Variants in RFX4 observed in about 807,000 individuals in gnomAD.
The protein encoded by RFX4 is transcription factor RFX4.
In RFX4, 10 loss-of-function variants were observed where a neutral mutation model predicts 95.0. The ratio of observed to expected loss-of-function variants is 0.11; its 90% CI spans 0.06 to 0.18. The LOEUF (loss-of-function observed/expected upper bound fraction) is 0.18. Among genes scored for constraint, RFX4 ranks in the 10% least tolerant of loss-of-function variants. The pLI, the probability that RFX4 is intolerant of heterozygous loss-of-function variation, is 1.00. For synonymous variants in RFX4, 321 were observed against 340.7 expected (o/e 0.94, Z 0.64); for missense variants, 640 against 922.0 (o/e 0.69, Z 3.96).
chr12:106,606,179 T>C (rs2039828694), intron 1 of RFX4, among the ~76,000 whole-genome samples: 3 of 152,172 alleles, frequency 2.0e-5, no homozygotes, highest in Non-Finnish European at 2.9e-5. Flanking sequence ...ACCTTGATGT[T>C]ATCAGGCCTG....
intron 7 of RFX4, 59 bp downstream of exon 7, chr12:106,689,423 T>G: frequency 7.3e-7 from 1 of 1,371,970 alleles, no homozygotes; most frequent in East Asian, 2.3e-5. Context: ...TAACACTAGC[T>G]CCTATTTCAT....
chr12:106,697,081 C>T (rs2041894719), intron 8 of RFX4, among the ~76,000 whole-genome samples: 1 of 152,184 alleles, frequency 6.6e-6, no homozygotes, highest in Non-Finnish European at 1.5e-5. Flanking sequence ...TTGTGTTGAG[C>T]TGGCTGGGTT....
At chr12:106,644,780 A>G (rs1196706608) in intron 3 of RFX4, among the ~76,000 whole-genome samples, 2 of 152,204 alleles carry the variant, frequency 1.3e-5, no homozygotes, top group African/African-American at 4.8e-5. Context: ...AAAACAAAAC[A>G]GGAACCTAAT....
At chr12:106,593,593 T>G (rs940349009) in intron 1 of RFX4, among the ~76,000 whole-genome samples, 2 of 152,236 alleles carry the variant, frequency 1.3e-5, no homozygotes, top group African/African-American at 4.8e-5. Context: ...TAAAATGATG[T>G]CAGTGCCTTT....
At chr12:106,666,492 A>G (rs73391329) in intron 4 of RFX4, among the ~76,000 whole-genome samples, 1,672 of 152,100 alleles carry the variant, frequency 0.011, 21 homozygotes, top group African/African-American at 0.038. Flanking sequence ...TTTGTTTCAC[A>G]TATTTCTTTG....
At chr12:106,611,085 T>A (rs372077152) in intron 2 of RFX4, among the ~76,000 whole-genome samples, 4 of 152,230 alleles carry the variant, frequency 2.6e-5, no homozygotes, top group African/African-American at 9.7e-5. Flanking sequence ...GTTGAACATC[T>A]TTTCATGTGC....
intron 4 of RFX4, among the ~76,000 whole-genome samples, chr12:106,665,210 G>A (rs184443685): frequency 1.3e-4 from 20 of 151,908 alleles, no homozygotes; most frequent in Admixed American, 1.3e-3. Context: ...TGTCTTCTTG[G>A]AGATTGATAC....
At chr12:106,675,995 G>C (rs2041385475) in intron 4 of RFX4, among the ~76,000 whole-genome samples, 1 of 152,194 alleles carries the variant, frequency 6.6e-6, no homozygotes, top group Non-Finnish European at 1.5e-5. Flanking sequence ...GGCATGACGG[G>C]AAGCAGGGCC....
intron 11 of RFX4, among the ~76,000 whole-genome samples, chr12:106,717,022 A>G: frequency 6.7e-6 from 1 of 150,178 alleles, no homozygotes; most frequent in South Asian, 2.1e-4. Context: ...AAAAAAAAAA[A>G]GGAAATATGG....
Position 106,598,938 on chromosome 12 carries a change from A to G in RFX4, c.44-9859A>G, listed in dbSNP as rs564650887. Among the ~76,000 whole-genome samples, 3 of 152,326 alleles carry G rather than the reference A, an allele frequency of 2.0e-5. No individual in the cohort carries two copies. The South Asian group carries it at 6.2e-4, about 32-fold the overall frequency. ...TAGGTACACCCTTCCCCAGAAGTTG[A>G]GGGAAAATGAAATTTTTACAACCTG... On this transcript the variant is annotated intron_variant, in intron 1 of 17. Transcript: ENST00000392842.
chr12:106,632,742 C>T (rs759063533), intron 2 of RFX4, among the ~76,000 whole-genome samples: 2 of 152,218 alleles, frequency 1.3e-5, no homozygotes, highest in Non-Finnish European at 2.9e-5. Context: ...TGGTCTGGAG[C>T]TCCTGGGCTT....
In RFX4 at chr12:106,674,555, T is replaced by G. The variant is rs980919552; in HGVS notation, c.316-7438T>G. On this transcript the variant is annotated intron_variant, in intron 4 of 17. Coordinates refer to ENST00000392842, the MANE Select transcript of RFX4 (RefSeq NM_213594.3). The stretch of plus-strand genomic sequence containing the variant: ...CATGTTGTCCAGGCTGGTCTTGAAC[T>G]CCTGACCTTAGTGATCTGCCTGCCT... Among the ~76,000 whole-genome samples the G allele has an allele frequency of 2.6e-5, 4 of 151,980 alleles. No homozygotes were observed. In the South Asian group the frequency reaches 8.3e-4, roughly 32 times the overall value.
chr12:106,672,682 G>A (rs1386456098), intron 4 of RFX4, among the ~76,000 whole-genome samples: 1 of 151,472 alleles, frequency 6.6e-6, no homozygotes, highest in Non-Finnish European at 1.5e-5. Context: ...ATTGTGCTGG[G>A]CTTTCAGATT....
At chr12:106,647,483 T>A (rs538493374) in intron 3 of RFX4, among the ~76,000 whole-genome samples, 1 of 152,120 alleles carries the variant, frequency 6.6e-6, no homozygotes, top group African/African-American at 2.4e-5. Flanking sequence ...ATATTAACCA[T>A]GCTTTTCCTT....
At chr12:106,689,426 T>C in intron 7 of RFX4, 62 bp downstream of exon 7, 2 of 1,344,882 alleles carry the variant, frequency 1.5e-6, no homozygotes, top group Non-Finnish European at 2.1e-6. Flanking sequence ...CACTAGCTCC[T>C]ATTTCATGAG....
intron 8 of RFX4, among the ~76,000 whole-genome samples, chr12:106,699,562 T>C (rs189996416): frequency 2.6e-4 from 39 of 152,352 alleles, no homozygotes; most frequent in African/African-American, 9.1e-4. Context: ...TTCATGTATT[T>C]TGAAGCTCTG....
At chr12:106,604,028 G>A (rs1398992617) in intron 1 of RFX4, among the ~76,000 whole-genome samples, 16 of 152,070 alleles carry the variant, frequency 1.1e-4, no homozygotes, top group Non-Finnish European at 1.5e-5. Context: ...CATGAGCTCA[G>A]GGAGTAGCAC....
rs776491098 is a variant in RFX4 at position 106,732,167 on chromosome 12, C to T, written c.1389C>T (p.Tyr463=). The T allele has an allele frequency of 3.0e-5, 49 of 1,613,706 alleles. No homozygotes were observed. Among genetic ancestry groups the T allele is most frequent in the Admixed American group, 3.3e-5 (2 of 59,984 alleles). The change falls in exon 14 of 18, where the codon TAC becomes TAT. Residue 463 remains tyrosine, a synonymous_variant. Coordinates refer to ENST00000392842, the MANE Select transcript of RFX4 (RefSeq NM_213594.3). The part of the protein sequence containing the change: ...FHLIHLMFDD[Y]VLYLLESLHC... ...TAATTCACTTAATGTTTGATGACTA[C>T]GTGCTCTACCTGTTAGAATCTCTGC...
intron 13 of RFX4, among the ~76,000 whole-genome samples, chr12:106,728,112 T>C (rs964728091): frequency 5.3e-5 from 8 of 152,100 alleles, no homozygotes; most frequent in Non-Finnish European, 1.5e-5. Flanking sequence ...CTATGATGCA[T>C]ATTTTTCATA....
Sources: gnomAD v4.1 joint callset for allele counts (sites outside exome capture counted in the v4.1 genomes callset) on GRCh38, gnomAD v4.1.1 for gene constraint, MANE v1.5 for transcripts, NCBI Gene and HGNC (gene_info 2026-07-23, HGNC 2026-07-21) for gene names.